NSD1: variants seen among roughly 807,000 people sequenced by gnomAD.
NSD1 encodes the protein nuclear receptor binding SET domain protein 1, also known as histone-lysine N-methyltransferase, H3 lysine-36 specific.
In NSD1, 26 loss-of-function variants were observed where a neutral mutation model predicts 242.7. The observed-to-expected ratio is 0.11, with a 90% CI of 0.08 to 0.15. The LOEUF (loss-of-function observed/expected upper bound fraction) is 0.15. Ranked by LOEUF, NSD1 falls within the 10% of genes least tolerant of loss-of-function variation. The probability of loss-of-function intolerance (pLI) is 1.00; values close to 1 mark genes in which losing one functional copy is unlikely to be tolerated. For synonymous variants in NSD1, 1,106 were observed against 1,178.1 expected (o/e 0.94, Z 1.25); for missense variants, 2,495 against 3,272.8 (o/e 0.76, Z 5.80).
At chr5:177,291,909 C>T in intron 21 of NSD1, 45 bp from the exon 22 acceptor site, 2 of 1,558,038 alleles carry the variant, frequency 1.3e-6, no homozygotes, top group African/African-American at 2.7e-5. Context: ...AAGATTGGTA[C>T]TAATGTGTTC....
rs1209508646 is a variant in NSD1 at position 177,267,701 on chromosome 5, A to C, written c.5286A>C (p.Val1762=). 6.2e-7 allele frequency: 1 copy of C among 1,613,944 alleles called. No homozygotes were observed. Among genetic ancestry groups the C allele is most frequent in the East Asian group, 2.2e-5 (1 of 44,854 alleles). Residue 1762 remains valine (V), a synonymous_variant, in exon 15 of 23, where the codon GTA becomes GTC. Coordinates refer to ENST00000439151, the MANE Select transcript of NSD1 (RefSeq NM_022455.5). ...KKPHYREIVW[V]KVGRYRWWPA... ...CACACTACAGGGAGATTGTCTGGGT[A>C]AAAGTTGGACGATACAGGTAAGCCT...
intron 14 of NSD1, among the ~76,000 whole-genome samples, chr5:177,264,027 A>ATTTTTTTTTTTTTTTTTTTTTTTTTTT (rs1385345106): frequency 1.4e-5 from 1 of 72,050 alleles, no homozygotes; most frequent in African/African-American, 5.3e-5. Context: ...TCAATGAACC[A>ATTTTTTTTTTTTTTTTTTTTTTTTTTT]ATTTTTTTTT....
At chr5:177,167,353 A>G (rs1186226011) in intron 2 of NSD1, among the ~76,000 whole-genome samples, 1 of 151,996 alleles carries the variant, frequency 6.6e-6, no homozygotes, top group Non-Finnish European at 1.5e-5. Flanking sequence ...TCTGTCCAAC[A>G]TGGTGAAACC....
In NSD1 at chr5:177,232,564, C is replaced by A. The variant is rs550624860; in HGVS notation, c.3797-3257C>A. Among the ~76,000 whole-genome samples the A allele has an allele frequency of 1.2e-4, 18 of 152,284 alleles. No homozygotes were observed. In the South Asian group the frequency reaches 3.3e-3, roughly 28 times the overall value. On this transcript the variant is annotated intron_variant, in intron 5 of 22. Transcript: ENST00000439151. ...CCATCACCCTTCAGCTTAGATGTAT[C>A]TTTTGCATGCACAGCCGGATTTTCC...
chr5:177,266,979 C>G (rs917344209), intron 14 of NSD1, among the ~76,000 whole-genome samples: 3 of 152,224 alleles, frequency 2.0e-5, no homozygotes, highest in Non-Finnish European at 4.4e-5. Flanking sequence ...ATTCTCCTGT[C>G]TTAGCCTCCC....
chr5:177,248,147 A>C (rs1335355205), intron 10 of NSD1, 34 bp from the exon 11 acceptor site: 2 of 1,612,716 alleles, frequency 1.2e-6, no homozygotes, highest in Admixed American at 3.3e-5. Context: ...GACATCAATA[A>C]TACAGATGTG....
chr5:177,294,694 G>A lies in NSD1; in HGVS notation c.7326G>A (p.Val2442=). 1 of 1,614,202 alleles carries A rather than the reference G, an allele frequency of 6.2e-7. No individual in the cohort carries two copies. Among genetic ancestry groups the A allele is most frequent in the Non-Finnish European group, 8.5e-7 (1 of 1,180,034 alleles). The change falls in exon 23 of 23, where the codon GTG becomes GTA. Residue 2442 remains valine, a synonymous_variant. Coordinates refer to ENST00000439151, the MANE Select transcript of NSD1 (RefSeq NM_022455.5). ...LVAKEKALRP[V]DQNTQSKNRA... ...CTAAAGAAAAAGCACTGAGGCCTGT[G>A]GACCAGAATACTCAGTCAAAAAATA... is the stretch of plus-strand genomic sequence containing the variant.
At chr5:177,293,189 G>A (rs1759979753) in intron 22 of NSD1, among the ~76,000 whole-genome samples, 1 of 152,158 alleles carries the variant, frequency 6.6e-6, no homozygotes, top group Admixed American at 6.5e-5. Flanking sequence ...ATTTGAAGGT[G>A]GAAACACTGT....
rs1326328722 is a variant in NSD1, at chr5:177,133,791, G to T, written c.-179G>T. 3 of 149,516 alleles carry T rather than the reference G, an allele frequency of 2.0e-5. No individual in the cohort carries two copies. The highest frequency in any genetic ancestry group is 4.5e-5 in the Non-Finnish European group (3 of 67,126). The allele number at this position is 149,516 out of a possible 1,614,324, so 9.3% of individuals were successfully genotyped here. ...GGAGGAGGAGGCGGCGGCGGAATAG[G>T]CCGGGGCAGGTCGCGCTCGCTGCCT... On this transcript the variant is annotated 5_prime_UTR_variant, in exon 1 of 23. Coordinates refer to ENST00000439151, the MANE Select transcript of NSD1 (RefSeq NM_022455.5). The surrounding 1 kb of genome is among the most constrained non-coding windows in gnomAD (Gnocchi z 6.2).
In NSD1 at chr5:177,282,656, G is replaced by T; in HGVS notation, c.6009+75G>T. On this transcript the variant is annotated intron_variant, in intron 19 of 22. Transcript: ENST00000439151. Reference sequence around the variant, plus strand: ...GTTGTCCCAGCCATAGTATTTGTAGGCATGTAACGCAGTTCCCAAGGTAGG... The same window carrying T: ...GTTGTCCCAGCCATAGTATTTGTAGTCATGTAACGCAGTTCCCAAGGTAGG... The T allele has an allele frequency of 2.7e-6, 3 of 1,093,430 alleles. No homozygotes were observed. In the South Asian group the frequency reaches 3.7e-5, roughly 14 times the overall value. The allele number at this position is 1,093,430 out of a possible 1,614,324, so 67.7% of individuals were successfully genotyped here.
intron 2 of NSD1, among the ~76,000 whole-genome samples, chr5:177,176,529 T>C (rs1337912360): frequency 6.6e-6 from 1 of 152,062 alleles, no homozygotes; most frequent in African/African-American, 2.4e-5. Context: ...ACTCCTGTGC[T>C]TAAGCAATCC....
chr5:177,223,441 C>T (rs573849890), intron 5 of NSD1, among the ~76,000 whole-genome samples: 43 of 152,014 alleles, frequency 2.8e-4, no homozygotes, highest in African/African-American at 1.0e-3. Flanking sequence ...GATGTGGTAG[C>T]AGATGCCTGT....
chr5:177,267,074 TCTCTAACTCCTGAC>T (rs1757550792), intron 14 of NSD1, among the ~76,000 whole-genome samples: 1 of 152,156 alleles, frequency 6.6e-6, no homozygotes, highest in Non-Finnish European at 1.5e-5. Flanking sequence ...GCCGGGCTGT[TCTCTAACTCCTGAC>T]CTCAGGTGAT....
At chr5:177,285,827 A>T (rs1351745114) in intron 20 of NSD1, among the ~76,000 whole-genome samples, 1 of 152,178 alleles carries the variant, frequency 6.6e-6, no homozygotes, top group East Asian at 1.9e-4. Flanking sequence ...GTCCTCAGGA[A>T]GCATTGATCA....
intron 15 of NSD1, among the ~76,000 whole-genome samples, chr5:177,268,021 C>T (rs761681987): frequency 3.4e-5 from 5 of 147,444 alleles, no homozygotes; most frequent in African/African-American, 7.5e-5. Flanking sequence ...GTTAACATTT[C>T]GGCATATGTA....
intron 12 of NSD1, among the ~76,000 whole-genome samples, chr5:177,256,174 A>G (rs1420548851): frequency 6.6e-6 from 1 of 151,692 alleles, no homozygotes; most frequent in Non-Finnish European, 1.5e-5. Context: ...AGGTTTTGTT[A>G]GGGAGATTAC....
chr5:177,213,712 C>T (rs1013607991), intron 5 of NSD1, among the ~76,000 whole-genome samples: 1 of 152,120 alleles, frequency 6.6e-6, no homozygotes, highest in African/African-American at 2.4e-5. Context: ...ACCTTGTGAT[C>T]CGCCCGCCTC....
At chr5:177,256,257 A>G (rs1442718336) in intron 12 of NSD1, among the ~76,000 whole-genome samples, 1 of 144,986 alleles carries the variant, frequency 6.9e-6, no homozygotes, top group Non-Finnish European at 1.5e-5. Context: ...ACTTATCTTT[A>G]ACAATACTGC....
At chr5:177,158,257 C>CTT (rs1758314057) in intron 2 of NSD1, among the ~76,000 whole-genome samples, 1 of 93,244 alleles carries the variant, frequency 1.1e-5, no homozygotes, top group Admixed American at 1.2e-4. Context: ...TTCTTTCTTT[C>CTT]TTTCTTTCTT....
Sources: gnomAD v4.1 joint callset for allele counts (sites outside exome capture counted in the v4.1 genomes callset) on GRCh38, gnomAD v4.1.1 for gene constraint, Gnocchi (gnomAD v3.1) non-coding constraint, MANE v1.5 for transcripts, NCBI Gene and HGNC (gene_info 2026-07-23, HGNC 2026-07-21) for gene names.